KATNIP: variants seen among roughly 807,000 people sequenced by gnomAD.
KATNIP encodes katanin interacting protein.
Under a neutral mutation model 174.0 loss-of-function variants are expected in KATNIP, and 126 were observed. The observed-to-expected ratio is 0.72, with a 90% CI of 0.63 to 0.84. KATNIP has a LOEUF of 0.84. KATNIP is among the 40% of genes least tolerant of loss of function. The pLI is 0.00. For missense variants in KATNIP, 1,958 were observed against 2,109.7 expected (o/e 0.93, Z 1.41); for synonymous variants, 810 against 835.7 (o/e 0.97, Z 0.53).
chr16:27,740,208 G>A lies in KATNIP; in HGVS notation c.1911G>A (p.Ser637=), dbSNP rs192842417. 8.2e-5 allele frequency: 133 copies of A among 1,614,178 alleles called. 1 individual carries two copies. In the East Asian group the frequency reaches 2.1e-3, roughly 26 times the overall value. The change falls in exon 15 of 28, where the codon TCG becomes TCA. Residue 637 remains serine (S), a synonymous_variant. Coordinates refer to ENST00000261588, the MANE Select transcript of KATNIP (RefSeq NM_015202.5). Reference sequence around the variant, plus strand: ...TAGAGGAGGCCATGAACGCTCACTCGGAAGAAAGCAAAGGCACCCATGAGA... The same window carrying A: ...TAGAGGAGGCCATGAACGCTCACTCAGAAGAAAGCAAAGGCACCCATGAGA... ...EQLEEAMNAH[S]EESKGTHEMA...
intron 2 of KATNIP, among the ~76,000 whole-genome samples, chr16:27,600,732 CTTT>C (rs747524073): frequency 7.0e-6 from 1 of 142,364 alleles, no homozygotes. Flanking sequence ...GCTGCCTCCT[CTTT>C]TTTTTTTTTT....
intron 6 of KATNIP, among the ~76,000 whole-genome samples, chr16:27,651,530 T>C (rs975954407): frequency 6.6e-6 from 1 of 152,158 alleles, no homozygotes; most frequent in African/African-American, 2.4e-5. Flanking sequence ...TGTCCGCATA[T>C]GTACTTTTCA....
chr16:27,570,796 C>T (rs759252897), intron 1 of KATNIP, among the ~76,000 whole-genome samples: 10 of 151,826 alleles, frequency 6.6e-5, no homozygotes, highest in Admixed American at 3.9e-4. Flanking sequence ...CAAGATTAGC[C>T]GCTGGAACTT....
chr16:27,672,824 A>C (rs1318894448), intron 6 of KATNIP, among the ~76,000 whole-genome samples: 1 of 152,154 alleles, frequency 6.6e-6, no homozygotes, highest in Non-Finnish European at 1.5e-5. Flanking sequence ...ACGGTCATGA[A>C]GAGGCCAGAG....
intron 2 of KATNIP, among the ~76,000 whole-genome samples, chr16:27,594,953 A>G (rs527572460): frequency 6.6e-6 from 1 of 152,326 alleles, no homozygotes; most frequent in South Asian, 2.1e-4. Context: ...AATGGGGAAA[A>G]AAGAGGAGTC....
At chr16:27,560,565 C>A (rs913707597) in intron 1 of KATNIP, among the ~76,000 whole-genome samples, 3 of 152,126 alleles carry the variant, frequency 2.0e-5, no homozygotes, top group Non-Finnish European at 4.4e-5. Flanking sequence ...GGAGGTTGGC[C>A]ATCTCTGGAG....
chr16:27,609,378 CTTTTTTTTTTTTTT>C (rs35339029), intron 2 of KATNIP, among the ~76,000 whole-genome samples: 13 of 55,600 alleles, frequency 2.3e-4, no homozygotes, highest in Admixed American at 1.6e-3. Context: ...TGAGTTAAGT[CTTTTTTTTTTTTTT>C]TTTTTTTTTT....
intron 10 of KATNIP, among the ~76,000 whole-genome samples, chr16:27,699,919 T>A (rs4787982): frequency 0.81 from 122,143 of 151,526 alleles, 49,520 homozygotes; most frequent in African/African-American, 0.91. Flanking sequence ...TTATTTATTT[T>A]TTTTTTTTTG....
chr16:27,708,974 C>G (rs762239772), intron 13 of KATNIP, 54 bp downstream of exon 13: 93 of 1,409,544 alleles, frequency 6.6e-5, no homozygotes, highest in Non-Finnish European at 9.2e-5. Flanking sequence ...CATGCATTTT[C>G]TCTGCCCTTG....
intron 6 of KATNIP, among the ~76,000 whole-genome samples, chr16:27,673,643 C>G (rs888636477): frequency 1.3e-5 from 2 of 152,098 alleles, no homozygotes; most frequent in African/African-American, 4.8e-5. Context: ...TGTAATAGAT[C>G]CCAATAGGAC....
chr16:27,666,053 T>G (rs994028056), intron 6 of KATNIP, among the ~76,000 whole-genome samples: 4 of 152,176 alleles, frequency 2.6e-5, no homozygotes, highest in African/African-American at 4.8e-5. Context: ...CTATCCAATC[T>G]CCTTATGGAT....
In KATNIP at chr16:27,740,101, G is replaced by A. The variant is rs769629815; in HGVS notation, c.1804G>A (p.Gly602Ser). The change falls in exon 15 of 28, where the codon GGC becomes AGC. Residue 602 changes from glycine to serine, a missense_variant. Gly to Ser is a moderately conservative substitution (Grantham distance 56). Transcript: ENST00000261588. Reference protein sequence around the residue: ...LYVNRNLIFNGKLDKGDREAP... With the variant: ...LYVNRNLIFNSKLDKGDREAP... ...CGTCAACAGAAACCTCATCTTCAAT[G>A]GCAAGTTAGACAAAGGAGATAGGGA... is the stretch of plus-strand genomic sequence containing the variant. 1 of 1,614,160 alleles carries A rather than the reference G, an allele frequency of 6.2e-7. No homozygotes were observed. The highest frequency in any genetic ancestry group is 1.7e-5 in the Admixed American group (1 of 60,020).
At position 27,556,084 on chromosome 16, in the gene KATNIP, A is replaced by G. The variant is rs180958363; in HGVS notation, c.7+5907A>G. 6.9e-3 allele frequency among the ~76,000 whole-genome samples: 1,045 copies of G among 151,244 alleles called. 16 individuals carry two copies. Among genetic ancestry groups the G allele is most frequent in the African/African-American group, 0.024 (992 of 41,184 alleles). The stretch of plus-strand genomic sequence containing the variant: ...GGAGGTTGCAGTGAGCTGAGATTGC[A>G]CCACCGCACTCTAGCCTGGGCCAGT... On this transcript the variant is annotated intron_variant, in intron 1 of 27. Transcript: ENST00000261588.
chr16:27,635,045 C>T (rs535706695), intron 5 of KATNIP, among the ~76,000 whole-genome samples: 1 of 152,246 alleles, frequency 6.6e-6, no homozygotes, highest in African/African-American at 2.4e-5. Context: ...TGTTCTCACG[C>T]AGATCCCGTT....
chr16:27,671,675 A>G (rs962710548), intron 6 of KATNIP, among the ~76,000 whole-genome samples: 10 of 152,126 alleles, frequency 6.6e-5, no homozygotes, highest in African/African-American at 2.4e-4. Flanking sequence ...TTCACCTGCA[A>G]CTGCAGCAAA....
At chr16:27,622,600 C>G (rs760707174) in intron 3 of KATNIP, among the ~76,000 whole-genome samples, 1 of 152,152 alleles carries the variant, frequency 6.6e-6, no homozygotes, top group Admixed American at 6.5e-5. Context: ...CAGATTTGCT[C>G]TCCAGGTCCA....
chr16:27,657,253 A>G (rs2077328552), intron 6 of KATNIP, among the ~76,000 whole-genome samples: 1 of 152,034 alleles, frequency 6.6e-6, no homozygotes, highest in African/African-American at 2.4e-5. Context: ...GAGGGGAGAG[A>G]AGGAGAGAAA....
At chr16:27,735,019 C>CT (rs1459013946) in intron 14 of KATNIP, among the ~76,000 whole-genome samples, 2 of 152,246 alleles carry the variant, frequency 1.3e-5, no homozygotes, top group Non-Finnish European at 2.9e-5. Flanking sequence ...AGAGAAGTGA[C>CT]TAATATTCCC....
rs12920169 is a variant in KATNIP, at chr16:27,698,504, C to A, written c.1113+4C>A. On this transcript the variant is annotated splice_donor_region_variant and intron_variant, in intron 9 of 27. Coordinates refer to ENST00000261588, the MANE Select transcript of KATNIP (RefSeq NM_015202.5). ...GCAGCCAGCCAGCCCACTGCAGGTG[C>A]GCTCCGGGCTGGGAGAGGAACCGGG... The A allele has an allele frequency of 1.7e-4, 266 of 1,601,316 alleles. No individual in the cohort carries two copies. In the Middle Eastern group the frequency reaches 4.4e-3, roughly 26 times the overall value.
Sources: gnomAD v4.1 joint callset for allele counts (sites outside exome capture counted in the v4.1 genomes callset) on GRCh38, gnomAD v4.1.1 for gene constraint, MANE v1.5 for transcripts, NCBI Gene and HGNC (gene_info 2026-07-23, HGNC 2026-07-21) for gene names.